Variants in HECTD2 observed in about 807,000 individuals in gnomAD.
HECTD2 encodes probable E3 ubiquitin-protein ligase HECTD2.
HECTD2 carries 35 observed loss-of-function variants against 103.2 expected under a neutral mutation model. The ratio of observed to expected loss-of-function variants is 0.34; its 90% CI spans 0.26 to 0.45. The LOEUF (loss-of-function observed/expected upper bound fraction) is 0.45, where lower values mean the gene tolerates loss of function less well. Ranked by LOEUF, HECTD2 falls within the 20% of genes least tolerant of loss-of-function variation. The pLI is 1.00. For missense variants in HECTD2, 596 were observed against 937.4 expected, an observed-to-expected ratio of 0.64 and a Z score of 4.76; for synonymous variants, 281 against 329.9, an observed-to-expected ratio of 0.85 and a Z score of 1.61.
chr10:91,468,590 A>G (rs1845612592), intron 5 of HECTD2, among the ~76,000 whole-genome samples: 1 of 152,156 alleles, frequency 6.6e-6, no homozygotes, highest in Admixed American at 6.5e-5. Flanking sequence ...AATTCAGAAT[A>G]TGGATAGGAA....
At chr10:91,422,143 A>G (rs118071562) in intron 1 of HECTD2, among the ~76,000 whole-genome samples, 1 of 152,014 alleles carries the variant, frequency 6.6e-6, no homozygotes, top group African/African-American at 2.4e-5. Context: ...ATTTTTCTCT[A>G]TCTCTGTTCA....
chr10:91,417,520 G>GC (rs1050543948), intron 1 of HECTD2, among the ~76,000 whole-genome samples: 63 of 141,430 alleles, frequency 4.5e-4, no homozygotes, highest in African/African-American at 1.5e-3. Flanking sequence ...ATCCCTCCCC[G>GC]CCCCCCCACA....
intron 2 of HECTD2, among the ~76,000 whole-genome samples, chr10:91,428,247 G>C (rs1410281767): frequency 0.016 from 2,450 of 151,692 alleles, 30 homozygotes; most frequent in Middle Eastern, 0.034. Context: ...TCTCTGTTTT[G>C]GTACCAGTAC....
At chr10:91,468,245 T>G in intron 5 of HECTD2, among the ~76,000 whole-genome samples, 1 of 152,020 alleles carries the variant, frequency 6.6e-6, no homozygotes, top group Admixed American at 6.5e-5. Flanking sequence ...AGCCAGGGGC[T>G]CGGTACCAGC....
At chr10:91,418,163 G>A (rs1039161345) in intron 1 of HECTD2, among the ~76,000 whole-genome samples, 15 of 151,972 alleles carry the variant, frequency 9.9e-5, no homozygotes, top group Non-Finnish European at 1.5e-4. Flanking sequence ...AAATTAACTT[G>A]GTTTTGTTCT....
Position 91,514,304 on chromosome 10 carries a change from A to G in HECTD2, c.*1920A>G, listed in dbSNP as rs1174539384. The G allele has an allele frequency of 6.6e-6, 1 of 152,616 alleles. No individual in the cohort carries two copies. Among genetic ancestry groups the G allele is most frequent in the Non-Finnish European group, 1.5e-5 (1 of 68,032 alleles). 9.5% of individuals were successfully genotyped at this position (152,616 alleles called of 1,614,324 possible). On this transcript the variant is annotated 3_prime_UTR_variant, in exon 21 of 21. Coordinates refer to ENST00000298068, the MANE Select transcript of HECTD2 (RefSeq NM_182765.6). ...ATAAGAAGTCCACACAAGCAAGCCA[A>G]ATTTTTAGATGACGAAGTCCATAAA...
chr10:91,499,416 G>T (rs1308347249), intron 18 of HECTD2, among the ~76,000 whole-genome samples: 2 of 152,076 alleles, frequency 1.3e-5, no homozygotes, highest in African/African-American at 4.8e-5. Flanking sequence ...AGTGGATGAA[G>T]GGATCCATGG....
chr10:91,504,840 TTGAAA>T (rs1215274804), intron 20 of HECTD2, among the ~76,000 whole-genome samples: 1 of 151,318 alleles, frequency 6.6e-6, no homozygotes, highest in East Asian at 1.9e-4. Flanking sequence ...TTCACCAAAG[TTGAAA>T]TGAAGGAAAA....
chr10:91,485,409 T>C, intron 10 of HECTD2, 106 bp downstream of exon 10: 1 of 763,040 alleles, frequency 1.3e-6, no homozygotes, highest in Non-Finnish European at 2.1e-6. Flanking sequence ...TACATATAAA[T>C]GTATAAATAT....
Position 91,487,604 on chromosome 10 carries a change from G to T in HECTD2, c.1095-78G>T. The T allele has an allele frequency of 3.5e-6, 3 of 849,800 alleles. No individual in the cohort carries two copies. Among genetic ancestry groups the T allele is most frequent in the Non-Finnish European group, 6.2e-6 (3 of 483,558 alleles). The allele number at this position is 849,800 out of a possible 1,614,324, so 52.6% of individuals were successfully genotyped here. The stretch of plus-strand genomic sequence containing the variant: ...AAGTAATGTTTTATATTGCTACAAG[G>T]GGTACCTTAGATTCCCTTAGTATAA... On this transcript the variant is annotated intron_variant, in intron 10 of 20. Coordinates refer to ENST00000298068, the MANE Select transcript of HECTD2 (RefSeq NM_182765.6). This position sits in a 1 kb window ranked among gnomAD's most constrained non-coding sequence, Gnocchi z 4.1.
At chr10:91,491,076 A>G (rs971219807) in intron 11 of HECTD2, 124 bp from the exon 12 acceptor site, 2 of 499,126 alleles carry the variant, frequency 4.0e-6, no homozygotes, top group Non-Finnish European at 7.2e-6. Flanking sequence ...ATTGATTTTT[A>G]TAAAATTGTT....
chr10:91,472,233 T>C (rs1222230972), intron 5 of HECTD2, among the ~76,000 whole-genome samples: 1 of 152,178 alleles, frequency 6.6e-6, no homozygotes, highest in Non-Finnish European at 1.5e-5. Context: ...TAAATAGTGC[T>C]GGGATAACTC....
chr10:91,502,978 G>C (rs1238337685), intron 20 of HECTD2, among the ~76,000 whole-genome samples: 2 of 152,118 alleles, frequency 1.3e-5, no homozygotes, highest in African/African-American at 4.8e-5. Context: ...TGCCTCAAAA[G>C]ACAAGGACAA....
In HECTD2 at chr10:91,485,238, T is replaced by A; in HGVS notation, c.1029T>A (p.Ser343=). The change falls in exon 10 of 21, where the codon TCT becomes TCA. Residue 343 remains serine (S), a synonymous_variant. Transcript: ENST00000298068. The part of the protein sequence containing the change: ...PLIPYTDFYN[S]TLDHIDLMEE... ...TTCCTTATACTGATTTCTATAATTC[T>A]ACATTGGATCACATTGATCTCATGG... is the stretch of plus-strand genomic sequence containing the variant. The A allele has an allele frequency of 6.3e-7, 1 of 1,588,092 alleles. No homozygotes were observed. Among genetic ancestry groups the A allele is most frequent in the Non-Finnish European group, 8.6e-7 (1 of 1,163,824 alleles).
upstream of HECTD2, chr10:91,410,180 C>G (rs1257225526): frequency 6.6e-6 from 1 of 151,820 alleles, no homozygotes; most frequent in South Asian, 2.1e-4. Context: ...GACGCGCGAG[C>G]CCCGGGCGGG....
intron 20 of HECTD2, among the ~76,000 whole-genome samples, chr10:91,504,942 T>C (rs1280772462): frequency 6.6e-6 from 1 of 152,194 alleles, no homozygotes; most frequent in Non-Finnish European, 1.5e-5. Context: ...GCAGAAACCC[T>C]ACAAGCCAGA....
intron 18 of HECTD2, 24 bp from the exon 19 acceptor site, chr10:91,500,477 GT>G: frequency 9.4e-7 from 1 of 1,064,932 alleles, no homozygotes; most frequent in Non-Finnish European, 1.4e-6. Context: ...TTTAATTATT[GT>G]TTTTGATAAA....
intron 17 of HECTD2, 25 bp downstream of exon 17, chr10:91,498,984 A>C (rs1846787245): frequency 6.4e-7 from 1 of 1,557,086 alleles, no homozygotes; most frequent in Non-Finnish European, 8.8e-7. Flanking sequence ...TTTTTAATTA[A>C]AATGAATTAG....
chr10:91,424,797 G>C (rs1332695620), intron 1 of HECTD2, among the ~76,000 whole-genome samples: 1 of 152,002 alleles, frequency 6.6e-6, no homozygotes, highest in East Asian at 1.9e-4. Context: ...AAACTCTAAA[G>C]GGTTATCTTT....
Sources: gnomAD v4.1 joint callset for allele counts (sites outside exome capture counted in the v4.1 genomes callset) on GRCh38, gnomAD v4.1.1 for gene constraint, Gnocchi (gnomAD v3.1) non-coding constraint, MANE v1.5 for transcripts, NCBI Gene and HGNC (gene_info 2026-07-23, HGNC 2026-07-21) for gene names.